The following CLEC18B variants were observed in gnomAD, a reference collection of about 807,000 sequenced individuals.
CLEC18B encodes C-type lectin domain family 18 member B.
Under a neutral mutation model 60.4 loss-of-function variants are expected in CLEC18B, and 5 were observed. That is an observed-to-expected ratio of 0.08 (90% confidence interval 0.04 to 0.17). The LOEUF (loss-of-function observed/expected upper bound fraction) is 0.17. CLEC18B is among the 10% of genes least tolerant of loss of function. The probability of loss-of-function intolerance (pLI) is 1.00; values close to 1 mark genes in which losing one functional copy is unlikely to be tolerated. For synonymous variants in CLEC18B, 16 were observed against 221.2 expected (o/e 0.07, Z 8.23); for missense variants, 26 against 572.8 (o/e 0.05, Z 9.74).
intron 2 of CLEC18B, among the ~76,000 whole-genome samples, chr16:74,418,867 T>C (rs1244850749): frequency 2.7e-5 from 4 of 148,846 alleles, no homozygotes; most frequent in South Asian, 2.1e-4. Context: ...AATCCCGGCT[T>C]ACTGCAACCT....
intron 1 of CLEC18B, 152 bp downstream of exon 1, chr16:74,420,995 A>G (rs1252915385): frequency 9.1e-7 from 1 of 1,104,686 alleles, no homozygotes; most frequent in Non-Finnish European, 1.2e-6. Context: ...TCCACCCCTC[A>G]CCGCCCCCGG....
In CLEC18B at chr16:74,413,578, C is replaced by T. The variant is rs754947075; in HGVS notation, c.554+1G>A. ...CCAGCAGAAGGTGTAGCAGGGCTTA[C>T]CCGGGGGAGTAGGCACAGACAAAGG... On this transcript the variant is annotated splice_donor_variant, in intron 4 of 11. Coordinates refer to ENST00000682950, the MANE Select transcript of CLEC18B (RefSeq NM_001385193.1). LOFTEE classifies it high-confidence loss of function. 2.0e-5 allele frequency: 32 copies of T among 1,613,938 alleles called. No homozygotes were observed. The South Asian group carries it at 3.1e-4, about 16-fold the overall frequency.
Position 74,413,580 on chromosome 16 carries a change from C to G in CLEC18B, c.553G>C (p.Gly185Arg), listed in dbSNP as rs2549220. 1 of 1,613,606 alleles carries G rather than the reference C, an allele frequency of 6.2e-7. No individual in the cohort carries two copies. ...IEAFVCAYSP[G>R]GNWEVNGKTI... ...AGCAGAAGGTGTAGCAGGGCTTACC[C>G]GGGGGAGTAGGCACAGACAAAGGCT... is the stretch of plus-strand genomic sequence containing the variant. The change falls in exon 4 of 12, where the codon GGA becomes CGA. Residue 185 changes from glycine (G) to arginine (R), a missense_variant and splice_region_variant. Gly to Arg is a moderately radical substitution (Grantham distance 125). Transcript: ENST00000682950.
rs576862630 is a variant in CLEC18B, at chr16:74,419,243, C to G, written c.217-945G>C. 2.6e-5 allele frequency among the ~76,000 whole-genome samples: 4 copies of G among 152,216 alleles called. No homozygotes were observed. In the East Asian group the frequency reaches 7.7e-4, roughly 29 times the overall value. On this transcript the variant is annotated intron_variant, in intron 2 of 11. Transcript: ENST00000682950. ...AGGACTCACAAGCACAGAGTGGATG[C>G]AGGGAGGGGGGCCCCTCGGGGCTGC...
chr16:74,422,495 G>A (rs1267222729), upstream of CLEC18B: 15 of 150,748 alleles, frequency 1.0e-4, no homozygotes, highest in African/African-American at 2.9e-4. Flanking sequence ...ATCGTCATGG[G>A]TGCCAGGGAT....
chr16:74,418,606 C>T (rs1224779315), intron 2 of CLEC18B, among the ~76,000 whole-genome samples: 2 of 149,796 alleles, frequency 1.3e-5, no homozygotes, highest in South Asian at 2.1e-4. Context: ...GCAGTGCCCA[C>T]GCGTTGCAGA....
At chr16:74,413,798 G>A in intron 3 of CLEC18B, 122 bp from the exon 4 acceptor site, 2 of 1,566,916 alleles carry the variant, frequency 1.3e-6, no homozygotes, top group Non-Finnish European at 1.8e-6. Context: ...CTCAGGAGCA[G>A]CAGCTGTCCT....
chr16:74,410,349 C>T (rs867637189), intron 10 of CLEC18B, among the ~76,000 whole-genome samples, 187 bp downstream of exon 10: 321 of 151,162 alleles, frequency 2.1e-3, no homozygotes, highest in African/African-American at 7.0e-3. Context: ...ACGTGCCTTC[C>T]GGCTTGCATC....
upstream of CLEC18B, among the ~76,000 whole-genome samples, chr16:74,423,757 C>A (rs1439275318): frequency 8.3e-5 from 12 of 145,126 alleles, no homozygotes; most frequent in Non-Finnish European, 1.6e-4. Context: ...AGAAGAGAAG[C>A]TGAGTGGATA....
At position 74,419,958 on chromosome 16, in the gene CLEC18B, G is replaced by A. The variant is rs1387458606; in HGVS notation, c.216+543C>T. Among the ~76,000 whole-genome samples, 267 of 152,306 alleles carry A rather than the reference G, an allele frequency of 1.8e-3. 1 individual carries two copies. The highest frequency in any genetic ancestry group is 2.1e-3 in the Non-Finnish European group (140 of 68,026). ...ACCCCGCAGCCCCAGCCGGGCTGGT[G>A]GGGAACTCTATACCCCCGACCCCTG... is the stretch of plus-strand genomic sequence containing the variant. On this transcript the variant is annotated intron_variant, in intron 2 of 11. Transcript: ENST00000682950.
intron 3 of CLEC18B, among the ~76,000 whole-genome samples, chr16:74,415,912 A>C (rs1425859474): frequency 4.0e-5 from 6 of 151,640 alleles, no homozygotes; most frequent in Non-Finnish European, 7.4e-5. Flanking sequence ...AACAAAAAAC[A>C]ACCACCAACA....
upstream of CLEC18B, chr16:74,422,553 T>A (rs1451347351): frequency 6.7e-6 from 1 of 150,306 alleles, no homozygotes; most frequent in African/African-American, 2.5e-5. Context: ...TGGAACTGCA[T>A]GTCCCCCACA....
intron 2 of CLEC18B, among the ~76,000 whole-genome samples, chr16:74,418,736 C>A (rs1471967023): frequency 6.6e-6 from 1 of 152,224 alleles, no homozygotes; most frequent in East Asian, 1.9e-4. Flanking sequence ...TAGTCTCCTG[C>A]CCCCAGGAGC....
At chr16:74,423,898 A>G (rs2013758403), upstream of CLEC18B, among the ~76,000 whole-genome samples, 1 of 152,204 alleles carries the variant, frequency 6.6e-6, no homozygotes, top group African/African-American at 2.4e-5. Flanking sequence ...CTGGGCCCCT[A>G]ACCAGGGCAT....
chr16:74,422,580 G>A (rs1459166367), upstream of CLEC18B: 1 of 149,548 alleles, frequency 6.7e-6, no homozygotes, highest in African/African-American at 2.5e-5. Context: ...AGGGGCTCAG[G>A]AGTTTCTTCT....
chr16:74,424,109 C>G (rs1172358621), upstream of CLEC18B, among the ~76,000 whole-genome samples: 1 of 152,234 alleles, frequency 6.6e-6, no homozygotes, highest in African/African-American at 2.4e-5. Flanking sequence ...ACCTGTGTCT[C>G]TATCTATCCC....
upstream of CLEC18B, among the ~76,000 whole-genome samples, chr16:74,423,702 CAAA>C (rs377282706): frequency 1.6e-4 from 16 of 102,924 alleles, no homozygotes; most frequent in East Asian, 9.2e-4. Context: ...CCCGACCCCT[CAAA>C]AAAAAAAAAA....
Position 74,421,441 on chromosome 16 carries a change from GTCCAGACAGCC to G in CLEC18B, c.-182_-172del. 1 of 1,383,884 alleles carries G rather than the reference GTCCAGACAGCC, an allele frequency of 7.2e-7. No individual in the cohort carries two copies. The highest frequency in any genetic ancestry group is 2.6e-5 in the Admixed American group (1 of 38,022). 85.7% of individuals were successfully genotyped at this position (1,383,884 alleles called of 1,614,324 possible). On this transcript the variant is annotated 5_prime_UTR_variant, in exon 1 of 12. The change creates a premature stop within an existing upstream ORF in the 5' untranslated region. Transcript: ENST00000682950. ...AGGCTGGTGAGTGAGTAATCAGTGT[GTCCAGACAGCC>G]TCCTGTTGGCGCTGGCATGAAAAGA...
At chr16:74,423,996 C>A (rs1247438425), upstream of CLEC18B, among the ~76,000 whole-genome samples, 1 of 152,246 alleles carries the variant, frequency 6.6e-6, no homozygotes, top group African/African-American at 2.4e-5. Context: ...GGAGAATGGG[C>A]AGCCTCATTC....
Sources: gnomAD v4.1 joint callset for allele counts (sites outside exome capture counted in the v4.1 genomes callset) on GRCh38, gnomAD v4.1.1 for gene constraint, MANE v1.5 for transcripts, NCBI Gene and HGNC (gene_info 2026-07-23, HGNC 2026-07-21) for gene names.